Variants in ZNF773 observed in about 807,000 individuals in gnomAD.
The protein encoded by ZNF773 is zinc finger protein 419B.
In ZNF773, 11 loss-of-function variants were observed where a neutral mutation model predicts 12.8. The ratio of observed to expected loss-of-function variants is 0.86; its 90% CI spans 0.54 to 1.42. The LOEUF is 1.42. ZNF773 is among the 40% of genes most tolerant of loss of function. ZNF773 has a pLI of 0.00. For missense variants in ZNF773, 518 were observed against 527.2 expected (o/e 0.98, Z 0.17); for synonymous variants, 175 against 178.4 (o/e 0.98, Z 0.15).
chr19:57,505,491 T>C (rs544390013), intron 3 of ZNF773, 91 bp downstream of exon 3: 10 of 1,402,980 alleles, frequency 7.1e-6, no homozygotes, highest in East Asian at 2.3e-5. Context: ...GATATTTTGA[T>C]ACCAAGGCAA....
At chr19:57,510,729 G>GA (rs1310036095), downstream of ZNF773, among the ~76,000 whole-genome samples, 1 of 151,920 alleles carries the variant, frequency 6.6e-6, no homozygotes, top group African/African-American at 2.4e-5. Flanking sequence ...CTTGGCAACT[G>GA]AAAAAATGTA....
downstream of ZNF773, among the ~76,000 whole-genome samples, chr19:57,509,428 C>T (rs1199875048): frequency 6.6e-6 from 1 of 152,038 alleles, no homozygotes; most frequent in Non-Finnish European, 1.5e-5. Context: ...ATTTAATGCC[C>T]AGTTATTGGC....
downstream of ZNF773, chr19:57,515,725 C>G (rs1450621070): frequency 2.6e-5 from 4 of 152,174 alleles, no homozygotes; most frequent in African/African-American, 9.7e-5. Context: ...TATGGGCAAT[C>G]ACTCATAAAA....
At chr19:57,511,853 G>C (rs2089798552), downstream of ZNF773, among the ~76,000 whole-genome samples, 1 of 146,324 alleles carries the variant, frequency 6.8e-6, no homozygotes, top group South Asian at 2.1e-4. Context: ...ATGAATACAA[G>C]CAAAAACAGC....
Position 57,506,779 on chromosome 19 carries a change from T to C in ZNF773, c.684T>C (p.Phe228=). 2 of 1,614,252 alleles carry C rather than the reference T, an allele frequency of 1.2e-6. No individual in the cohort carries two copies. Among genetic ancestry groups the C allele is most frequent in the Non-Finnish European group, 1.7e-6 (2 of 1,180,046 alleles). Residue 228 remains phenylalanine (F), a synonymous_variant, in exon 4 of 4, where the codon TTT becomes TTC. Coordinates refer to ENST00000282292, the MANE Select transcript of ZNF773 (RefSeq NM_198542.3). ...AATGCAGTGAATGTGGGAAGTTATT[T>C]AGCCATAAGTCCAACCTTTTTATAC... is the stretch of plus-strand genomic sequence containing the variant. ...PYECSECGKL[F]SHKSNLFIHQ...
rs1445422423 is a variant in ZNF773 at position 57,507,217 on chromosome 19, C to T, written c.1122C>T (p.Leu374=). 1.2e-6 allele frequency: 2 copies of T among 1,611,004 alleles called. No homozygotes were observed. Among genetic ancestry groups the T allele is most frequent in the East Asian group, 4.5e-5 (2 of 44,734 alleles). ...AATTTTTTAGCCAAAGCTCAAGCCT[C>T]ATGCAACATCGAAAAGTTCACACTG... ...CGKFFSQSSS[L]MQHRKVHTGE... Residue 374 remains leucine (L), a synonymous_variant, in exon 4 of 4, where the codon CTC becomes CTT. Coordinates refer to ENST00000282292, the MANE Select transcript of ZNF773 (RefSeq NM_198542.3).
downstream of ZNF773, chr19:57,513,216 T>C (rs79359595): frequency 2.2e-3 from 1,941 of 869,036 alleles, 33 homozygotes; most frequent in East Asian, 0.035. Context: ...AGGGCAGAAT[T>C]TGTCTGCTGA....
At chr19:57,505,660 T>C (rs942835471) in intron 3 of ZNF773, among the ~76,000 whole-genome samples, 13 of 151,238 alleles carry the variant, frequency 8.6e-5, no homozygotes, top group Admixed American at 7.3e-4. Context: ...TGTGGTGAGG[T>C]GGGGCGCTTA....
In ZNF773 at chr19:57,504,708, T is replaced by G. The variant is rs368983402; in HGVS notation, c.85T>G (p.Trp29Gly). The stretch of plus-strand genomic sequence containing the variant: ...GGCTGTCTACTTCTCCCAGGAGGAA[T>G]GGAGATTGCTTGATGACGCTCAGAG... ...DVAVYFSQEEWRLLDDAQRLL... is the reference protein window; with the variant it reads ...DVAVYFSQEEGRLLDDAQRLL... Residue 29 changes from tryptophan (W) to glycine (G), a missense_variant, in exon 2 of 4, where the codon TGG becomes GGG. Physicochemically the swap from Trp to Gly is radical, Grantham distance 184. Coordinates refer to ENST00000282292, the MANE Select transcript of ZNF773 (RefSeq NM_198542.3). The G allele has an allele frequency of 3.2e-5, 51 of 1,613,842 alleles. 1 individual carries two copies. In the East Asian group the frequency reaches 5.8e-4, roughly 18 times the overall value.
chr19:57,500,057 G>C lies in ZNF773; in HGVS notation c.-24G>C, dbSNP rs551019855. On this transcript the variant is annotated 5_prime_UTR_variant, in exon 1 of 4. Transcript: ENST00000282292. Reference sequence around the variant, plus strand: ...GGTGGCCCGGGCCCTTTCCTCGGTCGTTGTCTCACCGCCACAGGCTCCGAT... The same window carrying C: ...GGTGGCCCGGGCCCTTTCCTCGGTCCTTGTCTCACCGCCACAGGCTCCGAT... The C allele has an allele frequency of 1.0e-4, 164 of 1,584,582 alleles. No individual in the cohort carries two copies. The African/African-American group carries it at 2.1e-3, about 20-fold the overall frequency.
intron 1 of ZNF773, among the ~76,000 whole-genome samples, chr19:57,502,674 T>C (rs115144099): frequency 0.015 from 2,256 of 152,134 alleles, 56 homozygotes; most frequent in African/African-American, 0.051. Flanking sequence ...GGTTGAAGTC[T>C]GCGTTTTTTT....
At chr19:57,517,090 T>C (rs933585955), downstream of ZNF773, 6 of 152,258 alleles carry the variant, frequency 3.9e-5, no homozygotes, top group African/African-American at 1.2e-4. Context: ...ATAGTAATAA[T>C]GCTCAATGCA....
In ZNF773 at chr19:57,506,509, C is replaced by T. The variant is rs780683668; in HGVS notation, c.414C>T (p.Cys138=). 6.2e-7 allele frequency: 1 copy of T among 1,614,228 alleles called. No individual in the cohort carries two copies. The highest frequency in any genetic ancestry group is 1.7e-5 in the Admixed American group (1 of 60,030). The change falls in exon 4 of 4, where the codon TGC becomes TGT. Residue 138 remains cysteine, a synonymous_variant. Transcript: ENST00000282292. ...GCAGGGTCCCAGTTTTGAGGAGTTG[C>T]AGAGTCCACCTATCAGAGAAGTCCT... is the stretch of plus-strand genomic sequence containing the variant. ...QEGRVPVLRS[C]RVHLSEKSLQ...
chr19:57,504,150 C>T (rs1373470387), intron 1 of ZNF773, among the ~76,000 whole-genome samples: 1 of 152,134 alleles, frequency 6.6e-6, no homozygotes, highest in African/African-American at 2.4e-5. Flanking sequence ...GTAGTCAGTG[C>T]CATTGGAGGT....
At position 57,500,029 on chromosome 19, in the gene ZNF773, C is replaced by G. The variant is rs901266089; in HGVS notation, c.-52C>G. The G allele has an allele frequency of 3.6e-5, 55 of 1,541,702 alleles. No homozygotes were observed. Among genetic ancestry groups the G allele is most frequent in the Non-Finnish European group, 4.5e-5 (51 of 1,144,804 alleles). On this transcript the variant is annotated 5_prime_UTR_variant, in exon 1 of 4. Transcript: ENST00000282292. ...GGGTCTGAGGCTCGGTGGCGGCGCC[C>G]AGGGTGGCCCGGGCCCTTTCCTCGG...
chr19:57,500,172 C>G, intron 1 of ZNF773, 59 bp downstream of exon 1: 1 of 1,546,460 alleles, frequency 6.5e-7, no homozygotes, highest in East Asian at 2.4e-5. Context: ...GGGCCGCCTG[C>G]TCAGGTCCCC....
chr19:57,516,831 G>A (rs371046043), downstream of ZNF773: 3 of 152,322 alleles, frequency 2.0e-5, no homozygotes, highest in Admixed American at 6.5e-5. Flanking sequence ...GGGTCCCCAT[G>A]GTCATTTAGA....
intron 3 of ZNF773, among the ~76,000 whole-genome samples, chr19:57,506,154 T>C (rs2123262993): frequency 6.6e-6 from 1 of 152,242 alleles, no homozygotes; most frequent in East Asian, 1.9e-4. Flanking sequence ...CATCCTTGCA[T>C]CCTTGGTGCT....
In ZNF773 at chr19:57,506,321, GACT is replaced by G. The variant is rs780609889; in HGVS notation, c.263-34_263-32del. On this transcript the variant is annotated intron_variant, in intron 3 of 3. Coordinates refer to ENST00000282292, the MANE Select transcript of ZNF773 (RefSeq NM_198542.3). ...GAGAGTGCTGCCTTCTCACACCAAA[GACT>G]ACATTTACTTCATCAACATTTCTCT... 3.8e-6 allele frequency: 6 copies of G among 1,576,818 alleles called. No individual in the cohort carries two copies. In the South Asian group the frequency reaches 7.1e-5, roughly 19 times the overall value.
Sources: allele counts gnomAD v4.1 joint callset (sites outside exome capture counted in the v4.1 genomes callset), GRCh38; gene constraint gnomAD v4.1.1; transcripts MANE v1.5; gene names NCBI Gene and HGNC (gene_info 2026-07-23, HGNC 2026-07-21).